The following DIS3L2 variants were observed in gnomAD, a reference collection of about 807,000 sequenced individuals.
DIS3L2 encodes DIS3 like 3'-5' exoribonuclease 2, also known as DIS3-like exonuclease 2.
DIS3L2 carries 34 observed loss-of-function variants against 97.5 expected under a neutral mutation model. The observed-to-expected ratio is 0.35, with a 90% confidence interval of 0.27 to 0.46. The LOEUF (loss-of-function observed/expected upper bound fraction) is 0.46, where lower values mean the gene tolerates loss of function less well. Ranked by LOEUF, DIS3L2 falls within the 20% of genes least tolerant of loss-of-function variation. The pLI, the probability that DIS3L2 is intolerant of heterozygous loss-of-function variation, is 1.00. For missense variants in DIS3L2, 1,038 were observed against 1,146.0 expected (o/e 0.91, Z 1.36); for synonymous variants, 435 against 445.2 (o/e 0.98, Z 0.29).
At chr2:232,099,327 T>C (rs776585867) in intron 6 of DIS3L2, among the ~76,000 whole-genome samples, 7 of 152,072 alleles carry the variant, frequency 4.6e-5, no homozygotes, top group Non-Finnish European at 8.8e-5. Flanking sequence ...GTGATTCTCC[T>C]GCCTCAGCCT....
At chr2:232,280,809 CA>C (rs1694263401) in intron 13 of DIS3L2, among the ~76,000 whole-genome samples, 1 of 152,192 alleles carries the variant, frequency 6.6e-6, no homozygotes, top group South Asian at 2.1e-4. Flanking sequence ...TGTATCACCG[CA>C]AGAGAGATAA....
chr2:232,298,254 CT>C (rs1694768513), intron 13 of DIS3L2, among the ~76,000 whole-genome samples: 2 of 151,502 alleles, frequency 1.3e-5, no homozygotes, highest in Admixed American at 1.3e-4. Flanking sequence ...GCAAATAAAA[CT>C]TTTCTTCCTA....
intron 12 of DIS3L2, among the ~76,000 whole-genome samples, chr2:232,255,024 A>G (rs1693521419): frequency 6.6e-6 from 1 of 152,208 alleles, no homozygotes; most frequent in Non-Finnish European, 1.5e-5. Context: ...CTTACCCACA[A>G]TCAAGATGCA....
intron 4 of DIS3L2, among the ~76,000 whole-genome samples, chr2:232,029,482 G>A (rs1488575308): frequency 6.6e-6 from 1 of 152,034 alleles, no homozygotes; most frequent in Non-Finnish European, 1.5e-5. Flanking sequence ...GGATGAAAGT[G>A]TCTGTATCTT....
intron 5 of DIS3L2, among the ~76,000 whole-genome samples, chr2:232,065,371 C>G (rs1320046413): frequency 6.6e-6 from 1 of 151,770 alleles, no homozygotes; most frequent in African/African-American, 2.4e-5. Flanking sequence ...GTCTATTGTC[C>G]ATTTCAAGTT....
chr2:232,108,152 G>A (rs770323355), intron 6 of DIS3L2, among the ~76,000 whole-genome samples: 2 of 152,100 alleles, frequency 1.3e-5, no homozygotes, highest in Non-Finnish European at 2.9e-5. Flanking sequence ...TTGGCAAACC[G>A]AGTTCAGCAG....
At chr2:232,282,265 G>A (rs993042446) in intron 13 of DIS3L2, among the ~76,000 whole-genome samples, 2 of 152,148 alleles carry the variant, frequency 1.3e-5, no homozygotes, top group African/African-American at 4.8e-5. Flanking sequence ...AGTGAATGTG[G>A]GCCAGAGGAG....
chr2:232,140,808 A>G (rs1340747864), intron 8 of DIS3L2, among the ~76,000 whole-genome samples: 1 of 152,192 alleles, frequency 6.6e-6, no homozygotes, highest in East Asian at 1.9e-4. Context: ...CAGTTGTTAT[A>G]AAGTTATTTT....
chr2:232,187,486 A>G (rs1691473359), intron 9 of DIS3L2, among the ~76,000 whole-genome samples: 1 of 152,170 alleles, frequency 6.6e-6, no homozygotes, highest in African/African-American at 2.4e-5. Context: ...CTCTGTCATC[A>G]GGCTGGAGTG....
At chr2:232,324,157 G>A (rs771877121) in intron 14 of DIS3L2, among the ~76,000 whole-genome samples, 20 of 152,204 alleles carry the variant, frequency 1.3e-4, no homozygotes, top group Non-Finnish European at 2.9e-4. Flanking sequence ...GGCCATGGTT[G>A]GGTACACAGC....
intron 3 of DIS3L2, among the ~76,000 whole-genome samples, chr2:232,016,616 A>G (rs1328974269): frequency 1.3e-5 from 2 of 152,152 alleles, no homozygotes; most frequent in Non-Finnish European, 2.9e-5. Flanking sequence ...TAACGAAAAC[A>G]TGAACTTGTG....
intron 1 of DIS3L2, among the ~76,000 whole-genome samples, chr2:232,011,064 T>G (rs1694184076): frequency 6.6e-6 from 1 of 152,206 alleles, no homozygotes; most frequent in Non-Finnish European, 1.5e-5. Flanking sequence ...TCCTCATCCT[T>G]CCTGCCTTCT....
At chr2:232,310,841 C>G (rs1695107647) in intron 14 of DIS3L2, among the ~76,000 whole-genome samples, 1 of 152,250 alleles carries the variant, frequency 6.6e-6, no homozygotes, top group Non-Finnish European at 1.5e-5. Flanking sequence ...AGGCCTGGGG[C>G]AGCACAGCTG....
chr2:231,971,451 T>G (rs1247926939), intron 1 of DIS3L2, among the ~76,000 whole-genome samples: 1 of 151,588 alleles, frequency 6.6e-6, no homozygotes, highest in African/African-American at 2.4e-5. Context: ...GCTCATTGTT[T>G]GTTTGTTTGT....
chr2:232,018,006 C>T (rs1694403638), intron 3 of DIS3L2, among the ~76,000 whole-genome samples: 1 of 152,126 alleles, frequency 6.6e-6, no homozygotes, highest in East Asian at 1.9e-4. Context: ...TTGACTGTTG[C>T]TTAATACATT....
chr2:232,040,755 A>C (rs1695089281), intron 5 of DIS3L2, among the ~76,000 whole-genome samples: 1 of 152,168 alleles, frequency 6.6e-6, no homozygotes, highest in Non-Finnish European at 1.5e-5. Flanking sequence ...AATTTTGTGA[A>C]TGAGAAAACT....
At chr2:232,070,630 G>T (rs1695987882) in intron 5 of DIS3L2, among the ~76,000 whole-genome samples, 1 of 151,196 alleles carries the variant, frequency 6.6e-6, no homozygotes, top group Non-Finnish European at 1.5e-5. Context: ...TGTCGCCCAG[G>T]CTGGAGTGCA....
At position 232,184,435 on chromosome 2, in the gene DIS3L2, G is replaced by A. The variant is rs573903186; in HGVS notation, c.1124+20803G>A. ...GTCCAGTACTTTGGGTGGATTGATT[G>A]AGTCCAGGAGTTCCAGACTAGCCTG... On this transcript the variant is annotated intron_variant, in intron 9 of 20. Coordinates refer to ENST00000325385, the MANE Select transcript of DIS3L2 (RefSeq NM_152383.5). Among the ~76,000 whole-genome samples, 320 of 152,264 alleles carry A rather than the reference G, an allele frequency of 2.1e-3. 2 individuals are homozygous for A. Among genetic ancestry groups the A allele is most frequent in the African/African-American group, 7.3e-3 (304 of 41,560 alleles).
rs1046299302 is a variant in DIS3L2, at chr2:232,200,439, T to C, written c.1125-9887T>C. Reference sequence around the variant, plus strand: ...TTAGGGAAGTCGGTAATTATAAACCTGGGGCAGGGATTGTACAGCTTGTGA... The same window carrying C: ...TTAGGGAAGTCGGTAATTATAAACCCGGGGCAGGGATTGTACAGCTTGTGA... On this transcript the variant is annotated intron_variant, in intron 9 of 20. Coordinates refer to ENST00000325385, the MANE Select transcript of DIS3L2 (RefSeq NM_152383.5). 2.0e-5 allele frequency among the ~76,000 whole-genome samples: 3 copies of C among 152,276 alleles called. No homozygotes were observed. The East Asian group carries it at 5.8e-4, about 29-fold the overall frequency.
Sources: gnomAD v4.1 joint callset for allele counts (sites outside exome capture counted in the v4.1 genomes callset) on GRCh38, gnomAD v4.1.1 for gene constraint, MANE v1.5 for transcripts, NCBI Gene and HGNC (gene_info 2026-07-23, HGNC 2026-07-21) for gene names.